The following ELAVL2 variants were observed in gnomAD, a reference collection of about 807,000 sequenced individuals.
ELAVL2 encodes ELAV like RNA binding protein 2.
ELAVL2 carries 4 observed loss-of-function variants against 34.6 expected under a neutral mutation model. The ratio of observed to expected loss-of-function variants is 0.12; its 90% CI spans 0.06 to 0.26. The LOEUF is 0.26. Ranked by LOEUF, ELAVL2 falls within the 10% of genes least tolerant of loss-of-function variation. The pLI is 1.00. For missense variants in ELAVL2, 432 were observed against 442.8 expected (o/e 0.98, Z 0.22); for synonymous variants, 193 against 154.8 (o/e 1.25, Z -1.83).
At chr9:23,832,394 C>T in the ELAVL2 span, 2 of 152,226 alleles carry the variant, frequency 1.3e-5, no homozygotes, top group African/African-American at 4.8e-5. Context: ...TCTTACCGCA[C>T]ACTTTATATC....
chr9:23,832,633 A>C, the ELAVL2 span, among the ~76,000 whole-genome samples: 1 of 152,178 alleles, frequency 6.6e-6, no homozygotes, highest in East Asian at 1.9e-4. Context: ...GAGAAGATAC[A>C]TGGCATTTTC....
chr9:23,752,034 A>C (rs964347490), intron 2 of ELAVL2, among the ~76,000 whole-genome samples: 4 of 152,186 alleles, frequency 2.6e-5, no homozygotes, highest in African/African-American at 9.6e-5. Flanking sequence ...ACATCATGAC[A>C]AACTCCAAGA....
chr9:23,762,161 C>T lies in ELAVL2; in HGVS notation c.74G>A (p.Cys25Tyr). The change falls in exon 2 of 7, where the codon TGT becomes TAT. Residue 25 changes from cysteine to tyrosine, a missense_variant. Cys to Tyr is a radical substitution (Grantham distance 194, BLOSUM62 -2). Coordinates refer to ENST00000397312, the MANE Select transcript of ELAVL2 (RefSeq NM_004432.5). ...ANGPTTINNN[C>Y]SSPVDSGNTE... is the part of the protein sequence containing the mutation. ...GTTCCCAGAGTCAACTGGTGACGAA[C>T]AGTTGTTGTTTATGGTGGTTGGACC... The T allele has an allele frequency of 3.1e-6, 5 of 1,613,614 alleles. No individual in the cohort carries two copies. Among genetic ancestry groups the T allele is most frequent in the Non-Finnish European group, 4.2e-6 (5 of 1,179,638 alleles).
intron 1 of ELAVL2, among the ~76,000 whole-genome samples, chr9:23,810,598 C>A (rs1203559430): frequency 6.6e-6 from 1 of 152,086 alleles, no homozygotes; most frequent in East Asian, 1.9e-4. Context: ...GATCTGATTT[C>A]AGCCACCTTA....
At chr9:23,842,027 A>G in the ELAVL2 span, among the ~76,000 whole-genome samples, 1 of 152,222 alleles carries the variant, frequency 6.6e-6, no homozygotes, top group African/African-American at 2.4e-5. Context: ...ACTTGCTGAA[A>G]TATCATGGAA....
At chr9:23,833,986 A>G in the ELAVL2 span, among the ~76,000 whole-genome samples, 4 of 152,078 alleles carry the variant, frequency 2.6e-5, no homozygotes, top group South Asian at 8.3e-4. Context: ...ATCACTTCCT[A>G]TTTCTAAATA....
chr9:23,827,155 T>C (rs932597567), upstream of ELAVL2, among the ~76,000 whole-genome samples: 2 of 152,232 alleles, frequency 1.3e-5, no homozygotes, highest in Admixed American at 1.3e-4. Flanking sequence ...AAGCCACTCC[T>C]CTGCATTTGC....
Position 23,695,036 on chromosome 9 carries a change from T to C in ELAVL2, c.714-1550A>G, listed in dbSNP as rs538864932. ...TCCAGAATGAAAACTAGTAAGAGGA[T>C]TGGTTGGATGACCTTGTCTGCACAT... On this transcript the variant is annotated intron_variant, in intron 5 of 6. Coordinates refer to ENST00000397312, the MANE Select transcript of ELAVL2 (RefSeq NM_004432.5). Among the ~76,000 whole-genome samples, 155 of 152,274 alleles carry C rather than the reference T, an allele frequency of 1.0e-3. No homozygotes were observed. In the Middle Eastern group the frequency reaches 0.014, roughly 13 times the overall value.
At chr9:23,837,171 A>G in the ELAVL2 span, among the ~76,000 whole-genome samples, 1 of 152,156 alleles carries the variant, frequency 6.6e-6, no homozygotes, top group African/African-American at 2.4e-5. Flanking sequence ...TTCTGAGCCA[A>G]TGAGCCCACG....
At chr9:23,721,496 G>A (rs2043706143) in intron 3 of ELAVL2, among the ~76,000 whole-genome samples, 1 of 152,268 alleles carries the variant, frequency 6.6e-6, no homozygotes, top group Non-Finnish European at 1.5e-5. Flanking sequence ...AAGAAACCAA[G>A]AACAGAACAC....
intron 1 of ELAVL2, among the ~76,000 whole-genome samples, chr9:23,819,431 T>A (rs1469125293): frequency 6.6e-6 from 1 of 152,052 alleles, no homozygotes; most frequent in Non-Finnish European, 1.5e-5. Context: ...ACACTGAGTG[T>A]CAAAAGAGTG....
intron 4 of ELAVL2, among the ~76,000 whole-genome samples, chr9:23,704,151 T>TA (rs1473637219): frequency 6.6e-6 from 1 of 151,730 alleles, no homozygotes; most frequent in African/African-American, 2.4e-5. Context: ...ACGCTGGTCT[T>TA]GAACTCCCAG....
chr9:23,779,261 G>C, intron 1 of ELAVL2: 18 of 985,368 alleles, frequency 1.8e-5, no homozygotes, highest in Non-Finnish European at 2.2e-5. Context: ...GCTGCTTTTG[G>C]TTTACCCCAG....
Position 23,697,874 on chromosome 9 carries a change from A to G in ELAVL2, c.713+3505T>C, listed in dbSNP as rs79332527. Among the ~76,000 whole-genome samples, 1,472 of 152,126 alleles carry G rather than the reference A, an allele frequency of 9.7e-3. 18 individuals carry two copies. The highest frequency in any genetic ancestry group is 0.031 in the African/African-American group (1,303 of 41,496). On this transcript the variant is annotated intron_variant, in intron 5 of 6. Coordinates refer to ENST00000397312, the MANE Select transcript of ELAVL2 (RefSeq NM_004432.5). ...GGAATCCCACAAATAATGATTATCA[A>G]AATCTCTCCAAAGCGCCAACCGAGA...
chr9:23,751,296 G>T (rs1196548497), intron 2 of ELAVL2, among the ~76,000 whole-genome samples: 1 of 152,018 alleles, frequency 6.6e-6, no homozygotes, highest in Non-Finnish European at 1.5e-5. Context: ...TATGCATAAG[G>T]ATTTAACAAA....
intron 1 of ELAVL2, among the ~76,000 whole-genome samples, chr9:23,823,831 G>A (rs979964804): frequency 6.6e-6 from 1 of 152,172 alleles, no homozygotes; most frequent in African/African-American, 2.4e-5. Context: ...ATTGTCTGCT[G>A]TGTACTTTCT....
intron 3 of ELAVL2, 94 bp downstream of exon 3, chr9:23,730,927 TG>T: frequency 8.5e-7 from 1 of 1,178,942 alleles, no homozygotes; most frequent in Non-Finnish European, 1.2e-6. Flanking sequence ...ACTGTTTATA[TG>T]GGCCCAAAAG....
chr9:23,743,450 AT>A (rs1341619285), intron 2 of ELAVL2, among the ~76,000 whole-genome samples: 7 of 152,302 alleles, frequency 4.6e-5, no homozygotes, highest in African/African-American at 1.7e-4. Flanking sequence ...ACAATGATTC[AT>A]TAGGACACAA....
chr9:23,727,226 G>GA (rs1156368794), intron 3 of ELAVL2, among the ~76,000 whole-genome samples: 5 of 151,886 alleles, frequency 3.3e-5, no homozygotes, highest in Admixed American at 6.6e-5. Flanking sequence ...CCTTAACCAG[G>GA]AAAAAAAGTG....
Sources: gnomAD v4.1 joint callset for allele counts (sites outside exome capture counted in the v4.1 genomes callset) on GRCh38, gnomAD v4.1.1 for gene constraint, MANE v1.5 for transcripts, NCBI Gene and HGNC (gene_info 2026-07-23, HGNC 2026-07-21) for gene names.